Variants in MDGA2 observed in about 807,000 individuals in gnomAD.
MDGA2 encodes MAM domain-containing glycosylphosphatidylinositol anchor protein 2.
In MDGA2, 40 loss-of-function variants were observed where a neutral mutation model predicts 117.8. The observed-to-expected ratio is 0.34, with a 90% confidence interval of 0.26 to 0.44. The LOEUF is 0.44. Ranked by LOEUF, MDGA2 falls within the 20% of genes least tolerant of loss-of-function variation. MDGA2 has a pLI of 1.00. For synonymous variants in MDGA2, 452 were observed against 439.0 expected, an observed-to-expected ratio of 1.03 and a Z score of -0.37; for missense variants, 1,123 against 1,250.6, an observed-to-expected ratio of 0.90 and a Z score of 1.54.
intron 1 of MDGA2, among the ~76,000 whole-genome samples, chr14:47,468,658 T>C (rs576780282): frequency 3.0e-5 from 2 of 65,958 alleles, no homozygotes; most frequent in South Asian, 1.5e-3. Flanking sequence ...GAATTTCTTA[T>C]GGTGTTTTTT....
At chr14:47,587,007 T>C (rs11845070) in intron 1 of MDGA2, among the ~76,000 whole-genome samples, 50,411 of 151,670 alleles carry the variant, frequency 0.33, 8,803 homozygotes, top group African/African-American at 0.37. Flanking sequence ...TTAGTTTTGG[T>C]CACGCAGCTG....
chr14:47,583,562 A>G (rs1455431865), intron 1 of MDGA2, among the ~76,000 whole-genome samples: 1 of 151,884 alleles, frequency 6.6e-6, no homozygotes, highest in African/African-American at 2.4e-5. Flanking sequence ...CTTAACACCC[A>G]GCAATAAAGC....
intron 2 of MDGA2, among the ~76,000 whole-genome samples, chr14:47,284,530 TG>T: frequency 6.6e-6 from 1 of 152,298 alleles, no homozygotes; most frequent in East Asian, 1.9e-4. Context: ...CGAAAGTTTT[TG>T]CTTGTCAACC....
At chr14:47,342,310 GTA>G (rs1890654981) in intron 1 of MDGA2, among the ~76,000 whole-genome samples, 4 of 147,388 alleles carry the variant, frequency 2.7e-5, no homozygotes, top group African/African-American at 9.9e-5. Context: ...AAATATGTGT[GTA>G]TATATATTTA....
chr14:47,282,062 A>C (rs1888509869), intron 2 of MDGA2, among the ~76,000 whole-genome samples: 1 of 151,962 alleles, frequency 6.6e-6, no homozygotes, highest in Non-Finnish European at 1.5e-5. Context: ...AAAAAAAAAA[A>C]AAAAAGACAC....
At chr14:47,148,844 C>A (rs1883050418) in intron 3 of MDGA2, among the ~76,000 whole-genome samples, 1 of 152,176 alleles carries the variant, frequency 6.6e-6, no homozygotes, top group Non-Finnish European at 1.5e-5. Flanking sequence ...TATGCAGACT[C>A]TTACTCACCC....
chr14:46,923,257 A>AT (rs916780353), intron 9 of MDGA2, among the ~76,000 whole-genome samples: 1 of 152,084 alleles, frequency 6.6e-6, no homozygotes, highest in South Asian at 2.1e-4. Context: ...TTTCCAATGT[A>AT]TTTTTTTAAA....
chr14:46,957,726 C>CAGT, intron 8 of MDGA2, 83 bp from the exon 9 acceptor site: 1 of 1,456,622 alleles, frequency 6.9e-7, no homozygotes, highest in Non-Finnish European at 9.5e-7. Flanking sequence ...AAGCCATTTG[C>CAGT]AGTAACACAT....
chr14:47,345,817 G>A (rs1403079588), intron 1 of MDGA2, among the ~76,000 whole-genome samples: 1 of 152,042 alleles, frequency 6.6e-6, no homozygotes, highest in Non-Finnish European at 1.5e-5. Context: ...TACATTTGGG[G>A]ATAGTATCTA....
At chr14:47,093,356 A>G (rs972369198) in intron 6 of MDGA2, among the ~76,000 whole-genome samples, 2 of 152,140 alleles carry the variant, frequency 1.3e-5, no homozygotes, top group African/African-American at 4.8e-5. Context: ...TGAACCATAC[A>G]TGTTCAACAC....
At chr14:46,878,702 A>C (rs1231858484) in intron 11 of MDGA2, among the ~76,000 whole-genome samples, 1 of 152,056 alleles carries the variant, frequency 6.6e-6, no homozygotes, top group Non-Finnish European at 1.5e-5. Context: ...TAAAAATAAC[A>C]ATTTAATTTT....
intron 1 of MDGA2, among the ~76,000 whole-genome samples, chr14:47,362,935 T>G (rs1891154797): frequency 1.3e-5 from 2 of 152,228 alleles, no homozygotes; most frequent in Non-Finnish European, 2.9e-5. Context: ...GTTTTTGTTT[T>G]GAATTGAATA....
rs573616140 is a variant in MDGA2 at position 46,981,585 on chromosome 14, A to T, written c.1820-23942T>A. On this transcript the variant is annotated intron_variant, in intron 8 of 16. Transcript: ENST00000399232. ...TATGAACCTTTAAATAATACAATAG[A>T]TAAGTTTAATAGTTTAAGAATGTCA... 1.2e-4 allele frequency among the ~76,000 whole-genome samples: 18 copies of T among 152,314 alleles called. No individual in the cohort carries two copies. The East Asian group carries it at 3.5e-3, about 29-fold the overall frequency.
intron 1 of MDGA2, among the ~76,000 whole-genome samples, chr14:47,312,220 G>A (rs937128746): frequency 4.6e-5 from 7 of 151,960 alleles, no homozygotes; most frequent in African/African-American, 7.2e-5. Flanking sequence ...TCTGAAATTC[G>A]CTCTGTAAGT....
intron 1 of MDGA2, among the ~76,000 whole-genome samples, chr14:47,334,833 T>C (rs1265923333): frequency 6.6e-6 from 1 of 151,922 alleles, no homozygotes; most frequent in Non-Finnish European, 1.5e-5. Context: ...GAAGGATCCC[T>C]GAGGTGGAGG....
chr14:47,400,237 G>T (rs752402176), intron 1 of MDGA2, among the ~76,000 whole-genome samples: 2 of 151,980 alleles, frequency 1.3e-5, no homozygotes, highest in Non-Finnish European at 2.9e-5. Flanking sequence ...TATACTCATG[G>T]TCCCAAGCTA....
chr14:47,416,462 A>G (rs1181069835), intron 1 of MDGA2, among the ~76,000 whole-genome samples: 2 of 152,058 alleles, frequency 1.3e-5, no homozygotes, highest in Non-Finnish European at 2.9e-5. Flanking sequence ...CCATTTCTGA[A>G]GCTCTAATGG....
intron 1 of MDGA2, among the ~76,000 whole-genome samples, chr14:47,524,457 G>T (rs938639054): frequency 6.6e-6 from 1 of 152,090 alleles, no homozygotes; most frequent in African/African-American, 2.4e-5. Context: ...GAACATTGAG[G>T]CTCCAAGTAT....
At chr14:46,959,683 G>T (rs759834244) in intron 8 of MDGA2, among the ~76,000 whole-genome samples, 2 of 151,858 alleles carry the variant, frequency 1.3e-5, no homozygotes, top group Non-Finnish European at 2.9e-5. Flanking sequence ...CCTTCTTTTA[G>T]ATGGATGGAT....
Sources: gnomAD v4.1 joint callset for allele counts (sites outside exome capture counted in the v4.1 genomes callset) on GRCh38, gnomAD v4.1.1 for gene constraint, MANE v1.5 for transcripts, NCBI Gene and HGNC (gene_info 2026-07-23, HGNC 2026-07-21) for gene names.